NLRP7: variants seen among roughly 807,000 people sequenced by gnomAD.
NLRP7 encodes the protein NLR family pyrin domain containing 7.
In NLRP7, 72 loss-of-function variants were observed where a neutral mutation model predicts 85.5. The ratio of observed to expected loss-of-function variants is 0.84; its 90% CI spans 0.70 to 1.02. NLRP7 has a LOEUF of 1.02. Ranked by LOEUF, NLRP7 falls within the 50% of genes least tolerant of loss-of-function variation. The pLI is 0.00. For missense variants in NLRP7, 1,243 were observed against 1,219.5 expected (o/e 1.02, Z -0.29); for synonymous variants, 550 against 505.2 (o/e 1.09, Z -1.19).
upstream of NLRP7, chr19:54,947,732 A>G (rs1055753404): frequency 6.8e-6 from 7 of 1,034,612 alleles, no homozygotes; most frequent in African/African-American, 1.2e-4. Flanking sequence ...GAATCTCCCC[A>G]GGTGAGATTA....
At chr19:54,931,228 C>G (rs1220816270) in intron 8 of NLRP7, among the ~76,000 whole-genome samples, 1 of 152,006 alleles carries the variant, frequency 6.6e-6, no homozygotes, top group Non-Finnish European at 1.5e-5. Flanking sequence ...TCAAGACCAG[C>G]CTGGCCAACA....
chr19:54,947,617 C>T (rs2069532657), upstream of NLRP7: 1 of 1,289,510 alleles, frequency 7.8e-7, no homozygotes, highest in African/African-American at 1.5e-5. Context: ...CATTGGGTGG[C>T]TCCCAACCAC....
exon 4 of NLRP7, chr19:54,939,120 C>G: frequency 3.7e-6 from 6 of 1,614,216 alleles, no homozygotes; most frequent in South Asian, 1.1e-5. Flanking sequence ...TCCTTCAGGT[C>G]GGTCACGGAT....
intron 1 of NLRP7, among the ~76,000 whole-genome samples, chr19:54,942,180 C>T (rs368526016): frequency 3.7e-5 from 5 of 133,454 alleles, no homozygotes; most frequent in Non-Finnish European, 6.2e-5. Context: ...GGTGTGAACC[C>T]GGGAAGTGGA....
At chr19:54,958,218 CAG>C (rs2069922143) in intron 1 of NLRP7, among the ~76,000 whole-genome samples, 1 of 151,878 alleles carries the variant, frequency 6.6e-6, no homozygotes, top group Non-Finnish European at 1.5e-5. Flanking sequence ...GAGAGAGAGA[CAG>C]AGAGGGACAG....
chr19:54,928,943 C>T (rs1009050390), intron 9 of NLRP7, among the ~76,000 whole-genome samples: 1 of 152,010 alleles, frequency 6.6e-6, no homozygotes, highest in Non-Finnish European at 1.5e-5. Flanking sequence ...TCTAGGATTA[C>T]AGTCATAGCT....
chr19:54,927,558 A>G, intron 9 of NLRP7, 47 bp downstream of exon 10: 2 of 1,551,008 alleles, frequency 1.3e-6, no homozygotes, highest in Non-Finnish European at 1.7e-6. Flanking sequence ...TCCATCTCAA[A>G]AAAACAAAAA....
At chr19:54,955,432 G>T (rs2069820836) in intron 1 of NLRP7, among the ~76,000 whole-genome samples, 1 of 152,216 alleles carries the variant, frequency 6.6e-6, no homozygotes, top group Non-Finnish European at 1.5e-5. Context: ...ACTTTGGGCA[G>T]CCCAGGTAGG....
chr19:54,929,173 A>G (rs2068568532), intron 9 of NLRP7, among the ~76,000 whole-genome samples: 1 of 152,046 alleles, frequency 6.6e-6, no homozygotes, highest in Non-Finnish European at 1.5e-5. Flanking sequence ...GTTTGAGACC[A>G]GTCTGGCTAA....
At chr19:54,957,004 GTATGTATT>G (rs1296664107) in intron 1 of NLRP7, among the ~76,000 whole-genome samples, 1 of 140,736 alleles carries the variant, frequency 7.1e-6, no homozygotes, top group African/African-American at 2.9e-5. Flanking sequence ...ATTTATGTAT[GTATGTATT>G]TATTTATTTA....
At chr19:54,939,187 C>A (rs575664303) in exon 4 of NLRP7, 2 of 1,614,094 alleles carry the variant, frequency 1.2e-6, no homozygotes, top group Admixed American at 1.7e-5. Context: ...GTTTGATGTC[C>A]GGTGACATCC....
At chr19:54,957,136 C>T (rs905669610) in intron 1 of NLRP7, among the ~76,000 whole-genome samples, 3 of 151,968 alleles carry the variant, frequency 2.0e-5, no homozygotes, top group Non-Finnish European at 4.4e-5. Context: ...ATCCTCCTGT[C>T]TCAGCCTCCC....
intron 6 of NLRP7, among the ~76,000 whole-genome samples, chr19:54,935,972 C>T (rs1481192957): frequency 6.6e-6 from 1 of 152,174 alleles, no homozygotes; most frequent in East Asian, 1.9e-4. Context: ...GGGGCCACTG[C>T]TCTCAATCCC....
chr19:54,961,288 A>C (rs1015302828), intron 1 of NLRP7, among the ~76,000 whole-genome samples: 3 of 151,932 alleles, frequency 2.0e-5, no homozygotes, highest in African/African-American at 7.2e-5. Context: ...AAGCAGGTGG[A>C]TCACCCGAGG....
At chr19:54,947,622 A>G, upstream of NLRP7, 2 of 1,289,576 alleles carry the variant, frequency 1.6e-6, no homozygotes, top group Non-Finnish European at 2.0e-6. Flanking sequence ...GGTGGCTCCC[A>G]ACCACTGACC....
At chr19:54,942,403 C>G (rs1004021842) in intron 1 of NLRP7, among the ~76,000 whole-genome samples, 5 of 151,572 alleles carry the variant, frequency 3.3e-5, no homozygotes, top group Non-Finnish European at 7.4e-5. Flanking sequence ...AGTACAAAAT[C>G]ACAAGGGGAG....
At chr19:54,930,386 TG>T in intron 9 of NLRP7, 112 bp downstream of exon 9, 2 of 747,466 alleles carry the variant, frequency 2.7e-6, no homozygotes. Context: ...CGATCAAGCC[TG>T]GAAGACCGAA....
intron 1 of NLRP7, among the ~76,000 whole-genome samples, chr19:54,956,173 G>A (rs1056267213): frequency 6.6e-6 from 1 of 151,722 alleles, no homozygotes; most frequent in Non-Finnish European, 1.5e-5. Context: ...GGAAGGGAAG[G>A]AGGGAAAGGA....
At position 54,964,218 on chromosome 19, in the gene NLRP7, T is replaced by G. The variant is rs1212264230; in HGVS notation, c.-77+1822A>C. 3.0e-4 allele frequency among the ~76,000 whole-genome samples: 39 copies of G among 128,912 alleles called. No individual in the cohort carries two copies. In the South Asian group the frequency reaches 6.9e-3, roughly 23 times the overall value. The allele number at this position is 128,912 out of a possible 152,430, so 84.6% of individuals were successfully genotyped here. On this transcript the variant is annotated intron_variant, in intron 1 of 2. Transcript: ENST00000587103. Reference sequence around the variant, plus strand: ...TAGTCTTATTTATATGGTGTTTTTTTTTTTTTTTTTTTTTTTGAGATGGAG... The same window carrying G: ...TAGTCTTATTTATATGGTGTTTTTTGTTTTTTTTTTTTTTTTGAGATGGAG...
Sources: allele counts gnomAD v4.1 joint callset (sites outside exome capture counted in the v4.1 genomes callset), GRCh38; gene constraint gnomAD v4.1.1; transcripts MANE v1.5; gene names NCBI Gene and HGNC (gene_info 2026-07-23, HGNC 2026-07-21).